PTPRD: variants seen among roughly 807,000 people sequenced by gnomAD.
PTPRD encodes the protein protein tyrosine phosphatase receptor type D, also known as receptor-type tyrosine-protein phosphatase delta.
In PTPRD, 34 loss-of-function variants were observed where a neutral mutation model predicts 214.5. That is an observed-to-expected ratio of 0.16 (90% CI 0.12 to 0.21). The LOEUF (loss-of-function observed/expected upper bound fraction) is 0.21, where lower values mean the gene tolerates loss of function less well. Among genes scored for constraint, PTPRD ranks in the 10% least tolerant of loss-of-function variants. The pLI is 1.00. For synonymous variants in PTPRD, 1,128 were observed against 845.7 expected, an observed-to-expected ratio of 1.33 and a Z score of -5.79; for missense variants, 2,545 against 2,398.7, an observed-to-expected ratio of 1.06 and a Z score of -1.27.
At chr9:10,162,832 CACAA>C (rs1410910717) in intron 3 of PTPRD, among the ~76,000 whole-genome samples, 2 of 149,802 alleles carry the variant, frequency 1.3e-5, no homozygotes, top group Admixed American at 1.3e-4. Flanking sequence ...CTATGTTACA[CACAA>C]ACATTTTTTG....
chr9:10,010,369 GC>G (rs2096571921), intron 4 of PTPRD, among the ~76,000 whole-genome samples: 1 of 151,688 alleles, frequency 6.6e-6, no homozygotes, highest in Non-Finnish European at 1.5e-5. Context: ...TTGCCTGTTT[GC>G]CTCTCAGATT....
At chr9:10,442,760 T>A (rs113370441) in intron 2 of PTPRD, among the ~76,000 whole-genome samples, 170 of 151,662 alleles carry the variant, frequency 1.1e-3, no homozygotes, top group African/African-American at 4.0e-3. Flanking sequence ...TTGTTAAATG[T>A]TGTCTATAAT....
chr9:8,515,955 C>G (rs1042357158), intron 21 of PTPRD, among the ~76,000 whole-genome samples: 2 of 152,018 alleles, frequency 1.3e-5, no homozygotes, highest in Non-Finnish European at 2.9e-5. Flanking sequence ...CATAAATCAC[C>G]TAAGGTGACA....
intron 9 of PTPRD, among the ~76,000 whole-genome samples, chr9:9,240,288 T>C (rs1412424780): frequency 6.6e-6 from 1 of 152,232 alleles, no homozygotes; most frequent in African/African-American, 2.4e-5. Context: ...CATTAATTAC[T>C]AGTCATTGGT....
intron 2 of PTPRD, among the ~76,000 whole-genome samples, chr9:10,536,103 T>C (rs1011638200): frequency 6.6e-6 from 1 of 152,154 alleles, no homozygotes; most frequent in African/African-American, 2.4e-5. Context: ...TTTAGATTCC[T>C]GGACCAAATC....
At chr9:8,758,663 A>G (rs2154473768) in intron 11 of PTPRD, among the ~76,000 whole-genome samples, 1 of 152,338 alleles carries the variant, frequency 6.6e-6, no homozygotes, top group East Asian at 1.9e-4. Flanking sequence ...TTAATTGTCA[A>G]TATTTATGGA....
intron 2 of PTPRD, among the ~76,000 whole-genome samples, chr9:10,460,372 A>G (rs115908755): frequency 4.9e-5 from 7 of 142,442 alleles, no homozygotes. Flanking sequence ...AAAAATAGAT[A>G]AAAAAACCCT....
chr9:9,789,796 C>CAAAAAAAAAA (rs774579667), intron 5 of PTPRD, among the ~76,000 whole-genome samples: 5 of 40,822 alleles, frequency 1.2e-4, no homozygotes, highest in African/African-American at 3.2e-4. Flanking sequence ...AACTCTGTCT[C>CAAAAAAAAAA]AAAAAAAAAA....
intron 21 of PTPRD, among the ~76,000 whole-genome samples, chr9:8,508,891 CTGTGTGTG>C (rs59265464): frequency 0.011 from 1,489 of 140,572 alleles, 13 homozygotes; most frequent in Middle Eastern, 0.032. Context: ...GTGTGTGTGT[CTGTGTGTG>C]TGTGTGTGTG....
intron 7 of PTPRD, among the ~76,000 whole-genome samples, chr9:9,657,710 C>A (rs1355740250): frequency 2.0e-5 from 3 of 152,084 alleles, no homozygotes; most frequent in Non-Finnish European, 4.4e-5. Flanking sequence ...TAAAAGAATA[C>A]AAGATTGAAG....
intron 5 of PTPRD, among the ~76,000 whole-genome samples, chr9:9,907,041 C>T (rs2077759639): frequency 6.6e-6 from 1 of 151,798 alleles, no homozygotes; most frequent in Non-Finnish European, 1.5e-5. Context: ...AAATCTCACC[C>T]CCCATACTCT....
intron 5 of PTPRD, among the ~76,000 whole-genome samples, chr9:9,816,480 A>G (rs2048813630): frequency 6.6e-6 from 1 of 152,090 alleles, no homozygotes; most frequent in Admixed American, 6.5e-5. Context: ...CACTATTTGA[A>G]CAATATAATT....
At chr9:8,606,159 G>A (rs2095199244) in intron 14 of PTPRD, among the ~76,000 whole-genome samples, 1 of 152,186 alleles carries the variant, frequency 6.6e-6, no homozygotes, top group East Asian at 1.9e-4. Context: ...GTAGTGATGA[G>A]GAAAGGAGGA....
Position 9,689,449 on chromosome 9 carries a change from A to T in PTPRD, c.-287+45084T>A, listed in dbSNP as rs78066918. Among the ~76,000 whole-genome samples the T allele has an allele frequency of 2.3e-3, 357 of 152,046 alleles. 2 individuals are homozygous for T. The highest frequency in any genetic ancestry group is 7.9e-3 in the African/African-American group (328 of 41,548). ...TTGATGCATTTATATAACATGTAAT[A>T]TATCTATGATCTTAAATATTTATCT... On this transcript the variant is annotated intron_variant, in intron 7 of 45. Transcript: ENST00000381196.
chr9:8,438,549 G>A (rs2132657178), intron 34 of PTPRD, among the ~76,000 whole-genome samples: 1 of 152,226 alleles, frequency 6.6e-6, no homozygotes, highest in South Asian at 2.1e-4. Flanking sequence ...TGATAATTAC[G>A]TGATCTTATC....
intron 5 of PTPRD, among the ~76,000 whole-genome samples, chr9:9,882,541 A>G (rs923834725): frequency 6.6e-6 from 1 of 152,134 alleles, no homozygotes; most frequent in African/African-American, 2.4e-5. Context: ...TTTATATCCA[A>G]CCTAAATTAA....
At chr9:10,017,042 G>C (rs2096732807) in intron 4 of PTPRD, among the ~76,000 whole-genome samples, 1 of 152,138 alleles carries the variant, frequency 6.6e-6, no homozygotes, top group Admixed American at 6.5e-5. Context: ...AGTCTCATAA[G>C]AAAATATCAA....
intron 2 of PTPRD, among the ~76,000 whole-genome samples, chr9:10,521,988 A>T (rs1289025354): frequency 6.6e-6 from 1 of 152,090 alleles, no homozygotes; most frequent in Non-Finnish European, 1.5e-5. Flanking sequence ...GGTCTTTTTG[A>T]TCCATAAGTA....
intron 14 of PTPRD, among the ~76,000 whole-genome samples, chr9:8,583,485 G>T (rs1359012634): frequency 6.6e-6 from 1 of 151,740 alleles, no homozygotes; most frequent in Non-Finnish European, 1.5e-5. Context: ...ACGCATGGCT[G>T]GATAATTTAT....
Sources: gnomAD v4.1 joint callset for allele counts (sites outside exome capture counted in the v4.1 genomes callset) on GRCh38, gnomAD v4.1.1 for gene constraint, MANE v1.5 for transcripts, NCBI Gene and HGNC (gene_info 2026-07-23, HGNC 2026-07-21) for gene names.